The following PIGU variants were observed in gnomAD, a reference collection of about 807,000 sequenced individuals.
PIGU encodes GPI-anchor transamidase component PIGU.
Under a neutral mutation model 49.9 loss-of-function variants are expected in PIGU, and 24 were observed. The ratio of observed to expected loss-of-function variants is 0.48; its 90% CI spans 0.35 to 0.68. The LOEUF is 0.68. Among genes scored for constraint, PIGU ranks in the 30% least tolerant of loss-of-function variants. The pLI, the probability that PIGU is intolerant of heterozygous loss-of-function variation, is 0.01. For missense variants in PIGU, 490 were observed against 532.6 expected, an observed-to-expected ratio of 0.92 and a Z score of 0.79; for synonymous variants, 220 against 205.7, an observed-to-expected ratio of 1.07 and a Z score of -0.59.
intron 11 of PIGU, chr20:34,562,337 G>A: frequency 9.0e-7 from 1 of 1,113,232 alleles, no homozygotes; most frequent in Non-Finnish European, 1.2e-6. Context: ...TGGGGAGACT[G>A]AGGCACAGAG....
intron 7 of PIGU, among the ~76,000 whole-genome samples, chr20:34,614,292 C>G (rs918330745): frequency 2.0e-5 from 3 of 151,772 alleles, no homozygotes; most frequent in Non-Finnish European, 4.4e-5. Flanking sequence ...GAGTGAGACA[C>G]TGTCTCAAAA....
chr20:34,630,918 T>G (rs1198624566), intron 6 of PIGU, among the ~76,000 whole-genome samples: 1 of 152,080 alleles, frequency 6.6e-6, no homozygotes, highest in African/African-American at 2.4e-5. Context: ...ATGCTGGGAT[T>G]ATGGGTGTGA....
chr20:34,659,181 C>T (rs1353401870), intron 1 of PIGU, among the ~76,000 whole-genome samples: 12 of 138,588 alleles, frequency 8.7e-5, no homozygotes, highest in South Asian at 2.3e-4. Flanking sequence ...GCCCGGCCAG[C>T]CGCCCCGTCC....
intron 11 of PIGU, chr20:34,562,645 A>C (rs1354228409): frequency 9.1e-7 from 1 of 1,100,466 alleles, no homozygotes; most frequent in Non-Finnish European, 1.2e-6. Flanking sequence ...CTAAGGCTAC[A>C]CCTGGAGCAC....
chr20:34,586,691 A>G (rs1983710450), intron 8 of PIGU, among the ~76,000 whole-genome samples: 1 of 152,204 alleles, frequency 6.6e-6, no homozygotes, highest in Non-Finnish European at 1.5e-5. Context: ...GGAAATGTTT[A>G]TAGAATTCAT....
rs773168666 is a variant in PIGU at position 34,581,660 on chromosome 20, G to T, written c.939C>A (p.Ile313=). 2.5e-6 allele frequency: 4 copies of T among 1,612,666 alleles called. No individual in the cohort carries two copies. In the Admixed American group the frequency reaches 5.0e-5, roughly 20 times the overall value. Reference sequence around the variant, plus strand: ...CAGCGATCTGGATAAACATGAAGAAGATGGGGTGCTCCCTGGGGCAGGGCA... The same window carrying T: ...CAGCGATCTGGATAAACATGAAGAATATGGGGTGCTCCCTGGGGCAGGGCA... The part of the protein sequence containing the change: ...PLAIKLKEHP[I]FFMFIQIAVI... Residue 313 remains isoleucine, a synonymous_variant, in exon 10 of 12, where the codon ATC becomes ATA. Coordinates refer to ENST00000217446, the MANE Select transcript of PIGU (RefSeq NM_080476.5).
At chr20:34,578,314 G>A (rs948755172) in intron 10 of PIGU, among the ~76,000 whole-genome samples, 6 of 152,154 alleles carry the variant, frequency 3.9e-5, no homozygotes, top group Non-Finnish European at 5.9e-5. Flanking sequence ...GCAAAGGGAC[G>A]TTTTCACTGA....
intron 6 of PIGU, among the ~76,000 whole-genome samples, chr20:34,622,119 C>T (rs1985258590): frequency 6.6e-6 from 1 of 152,180 alleles, no homozygotes; most frequent in African/African-American, 2.4e-5. Flanking sequence ...GCTGGTACCA[C>T]TCTTCCTTAA....
At chr20:34,668,541 G>A (rs6142219) in intron 1 of PIGU, among the ~76,000 whole-genome samples, 55,167 of 144,674 alleles carry the variant, frequency 0.38, 10,994 homozygotes, top group Admixed American at 0.55. Flanking sequence ...AGGCTGAAGT[G>A]GGCAAATCAT....
intron 5 of PIGU, among the ~76,000 whole-genome samples, chr20:34,637,388 A>T (rs1986001468): frequency 6.6e-6 from 1 of 152,210 alleles, no homozygotes; most frequent in Non-Finnish European, 1.5e-5. Flanking sequence ...ACCCTAGAGA[A>T]TTCTTTCATA....
intron 1 of PIGU, among the ~76,000 whole-genome samples, chr20:34,657,717 A>C (rs1986747862): frequency 1.3e-5 from 2 of 152,106 alleles, no homozygotes; most frequent in African/African-American, 4.8e-5. Context: ...CCCAGATATG[A>C]TACTTCTTAG....
chr20:34,636,731 G>C (rs79521514), intron 5 of PIGU, among the ~76,000 whole-genome samples: 1 of 152,152 alleles, frequency 6.6e-6, no homozygotes, highest in Non-Finnish European at 1.5e-5. Context: ...CAGATAGGAA[G>C]AAACATGCCA....
Position 34,581,641 on chromosome 20 carries a change from T to A in PIGU, c.958A>T (p.Ile320Phe). 6.2e-7 allele frequency: 1 copy of A among 1,613,924 alleles called. No homozygotes were observed. The highest frequency in any genetic ancestry group is 8.5e-7 in the Non-Finnish European group (1 of 1,179,932). Reference protein sequence around the residue: ...EHPIFFMFIQIAVIAIFKSYP... With the variant: ...EHPIFFMFIQFAVIAIFKSYP... ...GACTTAAAGATGGCGATGACAGCGA[T>A]CTGGATAAACATGAAGAAGATGGGG... Residue 320 changes from isoleucine to phenylalanine, a missense_variant, in exon 10 of 12, where the codon ATC becomes TTC. Ile to Phe is a conservative substitution (Grantham distance 21, BLOSUM62 0). Transcript: ENST00000217446.
intron 2 of PIGU, among the ~76,000 whole-genome samples, chr20:34,654,185 G>T (rs181969643): frequency 1.0e-5 from 1 of 96,870 alleles, no homozygotes; most frequent in African/African-American, 3.7e-5. Context: ...TCTCTTGGCC[G>T]GGCACGGTGG....
chr20:34,575,340 G>A (rs1983182632), intron 10 of PIGU, 94 bp from the exon 11 acceptor site: 5 of 1,452,394 alleles, frequency 3.4e-6, no homozygotes, highest in South Asian at 1.3e-5. Context: ...GGCCCAAGGT[G>A]AGCATCATGT....
intron 7 of PIGU, among the ~76,000 whole-genome samples, chr20:34,606,031 G>A (rs551894996): frequency 1.2e-4 from 18 of 152,142 alleles, no homozygotes; most frequent in Non-Finnish European, 1.9e-4. Context: ...TGAGGCGGGC[G>A]GATCACAAGG....
intron 7 of PIGU, among the ~76,000 whole-genome samples, chr20:34,600,624 C>T (rs753093236): frequency 2.0e-5 from 3 of 151,762 alleles, no homozygotes; most frequent in Non-Finnish European, 2.9e-5. Context: ...AAAAAAAATA[C>T]CCTCTAAAGT....
At chr20:34,611,648 G>GAAAAAAAAAAAAAAAAGAAAAA (rs1984816142) in intron 7 of PIGU, among the ~76,000 whole-genome samples, 5 of 65,010 alleles carry the variant, frequency 7.7e-5, no homozygotes, top group Non-Finnish European at 1.2e-4. Context: ...TCAAGTCTCA[G>GAAAAAAAAAAAAAAAAGAAAAA]AAAAAAAAAA....
At chr20:34,670,256 C>T (rs948464204) in intron 1 of PIGU, among the ~76,000 whole-genome samples, 22 of 147,180 alleles carry the variant, frequency 1.5e-4, no homozygotes, top group African/African-American at 5.5e-4. Context: ...GTGGCATGAT[C>T]TCAGCTCACT....
Sources: gnomAD v4.1 joint callset for allele counts (sites outside exome capture counted in the v4.1 genomes callset) on GRCh38, gnomAD v4.1.1 for gene constraint, MANE v1.5 for transcripts, NCBI Gene and HGNC (gene_info 2026-07-23, HGNC 2026-07-21) for gene names.